FBXW7: variants seen among roughly 807,000 people sequenced by gnomAD.
FBXW7 encodes F-box/WD repeat-containing protein 7.
FBXW7 carries 11 observed loss-of-function variants against 86.3 expected under a neutral mutation model. That is an observed-to-expected ratio of 0.13 (90% CI 0.08 to 0.21). The LOEUF is 0.21. Among genes scored for constraint, FBXW7 ranks in the 10% least tolerant of loss-of-function variants. The pLI is 1.00. For missense variants in FBXW7, 488 were observed against 847.4 expected (o/e 0.58, Z 5.27); for synonymous variants, 313 against 297.9 (o/e 1.05, Z -0.52).
chr4:152,466,607 T>G (rs745691485), intron 2 of FBXW7, among the ~76,000 whole-genome samples: 1 of 151,416 alleles, frequency 6.6e-6, no homozygotes, highest in South Asian at 2.1e-4. Context: ...AACTTACATA[T>G]TCCATACATA....
At chr4:152,437,914 C>T (rs1740530083) in intron 2 of FBXW7, among the ~76,000 whole-genome samples, 1 of 152,182 alleles carries the variant, frequency 6.6e-6, no homozygotes, top group Non-Finnish European at 1.5e-5. Flanking sequence ...ATGGCTCACG[C>T]TTGTAATCTC....
At chr4:152,402,761 A>G (rs1737059480) in intron 4 of FBXW7, among the ~76,000 whole-genome samples, 1 of 152,258 alleles carries the variant, frequency 6.6e-6, no homozygotes, top group African/African-American at 2.4e-5. Context: ...CATTGAAGGC[A>G]TTCAGTCTGG....
intron 11 of FBXW7, among the ~76,000 whole-genome samples, chr4:152,326,742 T>A (rs557149532): frequency 9.5e-4 from 145 of 152,186 alleles, no homozygotes; most frequent in African/African-American, 3.4e-3. Context: ...GGTAAAAAAT[T>A]CAATAAAGTT....
At chr4:152,389,924 T>C (rs1735856145) in intron 4 of FBXW7, among the ~76,000 whole-genome samples, 1 of 152,070 alleles carries the variant, frequency 6.6e-6, no homozygotes, top group South Asian at 2.1e-4. Flanking sequence ...GTCTGCCTTC[T>C]TTTACAAAAG....
intron 4 of FBXW7, among the ~76,000 whole-genome samples, chr4:152,361,754 T>A (rs142941813): frequency 0.014 from 2,176 of 151,974 alleles, 24 homozygotes; most frequent in Non-Finnish European, 0.024. Flanking sequence ...GGCTGGTGGA[T>A]CACTTGAGGT....
chr4:152,330,770 C>T lies in FBXW7; in HGVS notation c.1084G>A (p.Asp362Asn), dbSNP rs2126534739. 1.2e-6 allele frequency: 2 copies of T among 1,612,394 alleles called. No homozygotes were observed. The highest frequency in any genetic ancestry group is 1.1e-5 in the South Asian group (1 of 90,968). Reference protein sequence around the residue: ...KSAYIRQHRIDTNWRRGELKS... With the variant: ...KSAYIRQHRINTNWRRGELKS... ...AGTTCTCCTCGCCTCCAGTTAGTATCAATTCTGTGCTGTCTGATGTATGCA... is the reference window on the plus strand; with the variant it reads ...AGTTCTCCTCGCCTCCAGTTAGTATTAATTCTGTGCTGTCTGATGTATGCA... The change falls in exon 9 of 14, where the codon GAT (aspartate) becomes AAT (asparagine). Residue 362 changes from aspartate (D) to asparagine (N), a missense_variant. This residue lies in a region of FBXW7 where 57 missense variants were observed against 62.8 expected (regional missense o/e 0.91). Coordinates refer to ENST00000281708, the MANE Select transcript of FBXW7 (RefSeq NM_001349798.2).
At chr4:152,385,336 T>C (rs77423114) in intron 4 of FBXW7, among the ~76,000 whole-genome samples, 2 of 152,142 alleles carry the variant, frequency 1.3e-5, no homozygotes, top group East Asian at 3.9e-4. Flanking sequence ...CATCAGTGGT[T>C]ATTCCACTGG....
chr4:152,480,501 C>T (rs904621625), intron 2 of FBXW7, among the ~76,000 whole-genome samples: 2 of 152,058 alleles, frequency 1.3e-5, no homozygotes, highest in Non-Finnish European at 2.9e-5. Flanking sequence ...AGAAGAGTCA[C>T]ACATTACTCA....
chr4:152,457,219 G>A (rs1002287873), intron 2 of FBXW7, among the ~76,000 whole-genome samples: 1 of 152,184 alleles, frequency 6.6e-6, no homozygotes, highest in Non-Finnish European at 1.5e-5. Context: ...GTGGTTGCCT[G>A]CGAAGTGGGG....
chr4:152,397,561 T>A (rs1346400675), intron 4 of FBXW7, among the ~76,000 whole-genome samples: 1 of 151,710 alleles, frequency 6.6e-6, no homozygotes, highest in Admixed American at 6.6e-5. Flanking sequence ...TAACACCTTT[T>A]GGGGAAGGCA....
chr4:152,360,842 T>C (rs1732873809), intron 4 of FBXW7, among the ~76,000 whole-genome samples: 1 of 147,782 alleles, frequency 6.8e-6, no homozygotes, highest in Non-Finnish European at 1.5e-5. Context: ...ATTAAATATA[T>C]ATATATATAT....
At chr4:152,348,754 C>A in intron 5 of FBXW7, 1 of 1,037,866 alleles carries the variant, frequency 9.6e-7, no homozygotes, top group Admixed American at 3.0e-5. Context: ...ACATTAAATG[C>A]AAATTTCTCA....
intron 4 of FBXW7, among the ~76,000 whole-genome samples, chr4:152,378,402 T>C (rs1734752213): frequency 6.6e-6 from 1 of 152,200 alleles, no homozygotes; most frequent in Non-Finnish European, 1.5e-5. Context: ...GTCCCTTATC[T>C]GTGCTCCATC....
At chr4:152,373,338 T>C (rs562487829) in intron 4 of FBXW7, among the ~76,000 whole-genome samples, 1 of 152,136 alleles carries the variant, frequency 6.6e-6, no homozygotes, top group East Asian at 1.9e-4. Flanking sequence ...TCATACCTTA[T>C]TCTATTACCC....
chr4:152,345,242 GA>G (rs1731150072), intron 6 of FBXW7, among the ~76,000 whole-genome samples: 1 of 151,808 alleles, frequency 6.6e-6, no homozygotes, highest in Non-Finnish European at 1.5e-5. Flanking sequence ...GTGTGCATAG[GA>G]AAAAATAAAA....
chr4:152,345,013 T>C (rs750905313), intron 6 of FBXW7, among the ~76,000 whole-genome samples: 1 of 152,182 alleles, frequency 6.6e-6, no homozygotes, highest in Non-Finnish European at 1.5e-5. Flanking sequence ...TCATGTGATA[T>C]GAAATCAGAA....
chr4:152,526,409 G>A (rs1749518556), intron 2 of FBXW7, among the ~76,000 whole-genome samples: 1 of 152,012 alleles, frequency 6.6e-6, no homozygotes, highest in African/African-American at 2.4e-5. Context: ...ATAAAACACT[G>A]ATTATGCCCT....
intron 4 of FBXW7, among the ~76,000 whole-genome samples, chr4:152,366,582 T>TA (rs1219609911): frequency 2.6e-5 from 4 of 152,160 alleles, no homozygotes; most frequent in Non-Finnish European, 5.9e-5. Context: ...CACAATGAGA[T>TA]ACCATCTCAC....
intron 2 of FBXW7, among the ~76,000 whole-genome samples, chr4:152,520,623 A>G (rs1175118562): frequency 6.6e-6 from 1 of 152,104 alleles, no homozygotes; most frequent in Non-Finnish European, 1.5e-5. Context: ...TCCTTATTTA[A>G]CACTGTTACT....
Sources: allele counts gnomAD v4.1 joint callset (sites outside exome capture counted in the v4.1 genomes callset), GRCh38; gene constraint gnomAD v4.1.1; regional missense constraint gnomAD v4.1.1; transcripts MANE v1.5; gene names NCBI Gene and HGNC (gene_info 2026-07-23, HGNC 2026-07-21).